The following OSMR variants were observed in gnomAD, a reference collection of about 807,000 sequenced individuals.
OSMR encodes the protein oncostatin-M-specific receptor subunit beta.
In OSMR, 81 loss-of-function variants were observed where a neutral mutation model predicts 99.9. The ratio of observed to expected loss-of-function variants is 0.81; its 90% CI spans 0.68 to 0.97. OSMR has a LOEUF of 0.97. Ranked by LOEUF, OSMR falls within the 50% of genes least tolerant of loss-of-function variation. The pLI, the probability that OSMR is intolerant of heterozygous loss-of-function variation, is 0.00. For missense variants in OSMR, 1,099 were observed against 1,153.4 expected, an observed-to-expected ratio of 0.95 and a Z score of 0.68; for synonymous variants, 406 against 410.4, an observed-to-expected ratio of 0.99 and a Z score of 0.13.
chr5:38,902,484 C>T (rs1020272686), intron 7 of OSMR, among the ~76,000 whole-genome samples: 2 of 152,216 alleles, frequency 1.3e-5, no homozygotes, highest in Non-Finnish European at 2.9e-5. Flanking sequence ...TAATTTTTCC[C>T]CTAAAAGAAC....
intron 7 of OSMR, among the ~76,000 whole-genome samples, chr5:38,896,679 CTA>C (rs1744540830): frequency 1.3e-5 from 2 of 152,076 alleles, no homozygotes; most frequent in African/African-American, 2.4e-5. Flanking sequence ...ACTTCCAGTA[CTA>C]TGTCGAATAA....
chr5:38,861,266 G>A (rs1034619167), intron 1 of OSMR, among the ~76,000 whole-genome samples: 3 of 151,898 alleles, frequency 2.0e-5, no homozygotes, highest in Non-Finnish European at 2.9e-5. Flanking sequence ...AGGACCCTGC[G>A]GGCCTTCCGC....
chr5:38,891,364 C>T (rs1393516680), intron 7 of OSMR, among the ~76,000 whole-genome samples: 1 of 152,206 alleles, frequency 6.6e-6, no homozygotes, highest in Non-Finnish European at 1.5e-5. Flanking sequence ...ACTGACTAGA[C>T]GCAGCTAGTG....
At chr5:38,893,221 G>A (rs1187986421) in intron 7 of OSMR, among the ~76,000 whole-genome samples, 1 of 152,170 alleles carries the variant, frequency 6.6e-6, no homozygotes, top group Non-Finnish European at 1.5e-5. Context: ...GGCTATAGGT[G>A]CAAAGCCAAA....
At chr5:38,898,121 T>C (rs1229540365) in intron 7 of OSMR, among the ~76,000 whole-genome samples, 1 of 152,180 alleles carries the variant, frequency 6.6e-6, no homozygotes, top group Non-Finnish European at 1.5e-5. Context: ...GGGCCATTTG[T>C]TCTATAGTGC....
At chr5:38,920,078 A>G (rs1042245489) in intron 11 of OSMR, among the ~76,000 whole-genome samples, 1 of 152,144 alleles carries the variant, frequency 6.6e-6, no homozygotes, top group African/African-American at 2.4e-5. Context: ...AGCCTCGGGG[A>G]GCTGGTACTG....
chr5:38,931,660 T>C, intron 15 of OSMR: 1 of 335,778 alleles, frequency 3.0e-6, no homozygotes, highest in Non-Finnish European at 4.2e-6. Context: ...TAGTAACAAA[T>C]TTGAGACACA....
chr5:38,925,040 T>G (rs1260082071), intron 14 of OSMR, 164 bp from the exon 15 acceptor site: 10 of 981,592 alleles, frequency 1.0e-5, no homozygotes, highest in Non-Finnish European at 1.2e-5. Context: ...TTACCTGGTG[T>G]GCCCATGGTG....
intron 10 of OSMR, 53 bp from the exon 11 acceptor site, chr5:38,918,787 A>G: frequency 6.2e-7 from 1 of 1,602,734 alleles, no homozygotes; most frequent in East Asian, 2.3e-5. Flanking sequence ...GGAGTTGTAC[A>G]AATTCCTTTC....
intron 8 of OSMR, 53 bp downstream of exon 8, chr5:38,904,077 CA>C: frequency 6.2e-7 from 1 of 1,604,450 alleles, no homozygotes; most frequent in Non-Finnish European, 8.5e-7. Flanking sequence ...TTGTCCTGAA[CA>C]GAGACACTGA....
chr5:38,878,775 A>T (rs1407459793), intron 3 of OSMR, among the ~76,000 whole-genome samples: 2 of 152,354 alleles, frequency 1.3e-5, no homozygotes, highest in East Asian at 3.9e-4. Context: ...AAATCAATGA[A>T]TTGCAGTACT....
chr5:38,872,714 C>T (rs1312121545), intron 2 of OSMR, among the ~76,000 whole-genome samples: 2 of 152,080 alleles, frequency 1.3e-5, no homozygotes, highest in Non-Finnish European at 2.9e-5. Flanking sequence ...CCTCATCTTC[C>T]AGAAATAATT....
At chr5:38,906,342 T>C (rs936593622) in intron 9 of OSMR, among the ~76,000 whole-genome samples, 2 of 152,184 alleles carry the variant, frequency 1.3e-5, no homozygotes, top group Non-Finnish European at 1.5e-5. Flanking sequence ...GGTGAACCTA[T>C]AGGAATTTTT....
intron 10 of OSMR, among the ~76,000 whole-genome samples, chr5:38,918,327 G>T (rs1429297535): frequency 6.6e-6 from 1 of 152,098 alleles, no homozygotes; most frequent in Admixed American, 6.5e-5. Flanking sequence ...CCCAGAAGTG[G>T]GCTTGGGACT....
chr5:38,882,304 G>A (rs1376738871), intron 4 of OSMR, among the ~76,000 whole-genome samples: 1 of 152,234 alleles, frequency 6.6e-6, no homozygotes, highest in African/African-American at 2.4e-5. Flanking sequence ...GCCAGGCATG[G>A]TGGCTCACTC....
At chr5:38,890,819 T>C (rs1312596887) in intron 7 of OSMR, among the ~76,000 whole-genome samples, 2 of 152,182 alleles carry the variant, frequency 1.3e-5, no homozygotes, top group African/African-American at 4.8e-5. Flanking sequence ...TTTCTTAATT[T>C]GGTACCGAGA....
intron 11 of OSMR, 62 bp from the exon 12 acceptor site, chr5:38,921,553 C>A (rs922087087): frequency 6.2e-7 from 1 of 1,611,396 alleles, no homozygotes; most frequent in East Asian, 2.2e-5. Context: ...TTCTACCTTA[C>A]ACACTTAAAA....
At chr5:38,903,386 C>A (rs1288681303) in intron 7 of OSMR, among the ~76,000 whole-genome samples, 7 of 152,230 alleles carry the variant, frequency 4.6e-5, no homozygotes, top group Admixed American at 3.9e-4. Flanking sequence ...ATCGTGACAA[C>A]ACATGACTCG....
In OSMR at chr5:38,942,457, T is replaced by A. The variant is rs1747676338; in HGVS notation, c.75-1744T>A. 2.2e-5 allele frequency: 17 copies of A among 771,262 alleles called. No homozygotes were observed. The South Asian group carries it at 4.4e-4, about 20-fold the overall frequency. 47.8% of individuals were successfully genotyped at this position (771,262 alleles called of 1,614,324 possible). On this transcript the variant is annotated intron_variant and NMD_transcript_variant, in intron 1 of 2. Transcript: ENST00000508882. ...CATATTTATATAAATATCTAATTTTTTTTTTTTTTTGAGATAGGGTCTTGC... is the reference window on the plus strand; with the variant it reads ...CATATTTATATAAATATCTAATTTTATTTTTTTTTTGAGATAGGGTCTTGC...
Sources: allele counts gnomAD v4.1 joint callset (sites outside exome capture counted in the v4.1 genomes callset), GRCh38; gene constraint gnomAD v4.1.1; transcripts MANE v1.5; gene names NCBI Gene and HGNC (gene_info 2026-07-23, HGNC 2026-07-21).